The following PAH variants were observed in gnomAD, a reference collection of about 807,000 sequenced individuals.
PAH encodes phenylalanine-4-hydroxylase.
Under a neutral mutation model 62.0 loss-of-function variants are expected in PAH, and 64 were observed. The observed-to-expected ratio is 1.03, with a 90% CI of 0.84 to 1.27. PAH has a LOEUF of 1.27. Ranked by LOEUF, PAH falls within the 50% of genes most tolerant of loss-of-function variation. PAH has a pLI of 0.00. For synonymous variants in PAH, 195 were observed against 196.2 expected (o/e 0.99, Z 0.05); for missense variants, 579 against 542.8 (o/e 1.07, Z -0.66).
chr12:102,952,232 C>CA (rs1224866727), upstream of PAH, among the ~76,000 whole-genome samples: 7 of 151,772 alleles, frequency 4.6e-5, no homozygotes, highest in African/African-American at 1.7e-4. Context: ...TCTTGCTGAG[C>CA]AAAAAATGGA....
chr12:102,944,719 T>C (rs1879426703), intron 1 of PAH, among the ~76,000 whole-genome samples: 1 of 152,216 alleles, frequency 6.6e-6, no homozygotes, highest in Non-Finnish European at 1.5e-5. Flanking sequence ...GTCTGAAAGG[T>C]CACATATCTC....
intron 8 of PAH, 119 bp downstream of exon 8, chr12:102,851,568 A>G: frequency 1.2e-6 from 1 of 806,854 alleles, no homozygotes; most frequent in South Asian, 1.4e-5. Context: ...GTGGGATCAT[A>G]GAACTGTACC....
intron 3 of PAH, among the ~76,000 whole-genome samples, chr12:102,889,561 T>TAGAC (rs1877193529): frequency 6.6e-6 from 1 of 151,448 alleles, no homozygotes; most frequent in Admixed American, 6.6e-5. Context: ...GATAGATAGA[T>TAGAC]AGATAGATAG....
chr12:102,927,859 T>G (rs181971605), intron 1 of PAH, among the ~76,000 whole-genome samples: 2 of 152,278 alleles, frequency 1.3e-5, no homozygotes, highest in East Asian at 3.9e-4. Flanking sequence ...TTTGTTTAGA[T>G]TGTGGAATCA....
intron 1 of PAH, among the ~76,000 whole-genome samples, chr12:102,938,091 C>T (rs1400156509): frequency 6.6e-6 from 1 of 152,138 alleles, no homozygotes; most frequent in Non-Finnish European, 1.5e-5. Context: ...CAAGATTGTC[C>T]AGGAAGCCAT....
chr12:102,897,492 T>TATATATATATATATATATATATATATAA (rs1379613102), intron 2 of PAH, among the ~76,000 whole-genome samples: 3 of 137,468 alleles, frequency 2.2e-5, no homozygotes, highest in Admixed American at 7.0e-5. Flanking sequence ...TATATATATA[T>TATATATATATATATATATATATATATAA]AATTCAAACT....
At chr12:102,939,551 G>A (rs1879220051) in intron 1 of PAH, among the ~76,000 whole-genome samples, 1 of 152,030 alleles carries the variant, frequency 6.6e-6, no homozygotes, top group Admixed American at 6.5e-5. Context: ...CTCTTGGGCT[G>A]GGGAGTGAAC....
chr12:102,855,419 A>C (rs1875382281), intron 5 of PAH, 87 bp from the exon 6 acceptor site: 1 of 967,726 alleles, frequency 1.0e-6, no homozygotes, highest in Non-Finnish European at 1.6e-6. Flanking sequence ...GTCGGGGACC[A>C]GAACCTGTGA....
At chr12:102,900,206 C>T (rs1169059103) in intron 2 of PAH, among the ~76,000 whole-genome samples, 2 of 151,728 alleles carry the variant, frequency 1.3e-5, no homozygotes, top group Non-Finnish European at 2.9e-5. Flanking sequence ...CCTGTCACCA[C>T]GCCTGGCTAA....
Position 102,947,482 on chromosome 12 carries a change from T to A in PAH, c.-96+3107A>T, listed in dbSNP as rs116379124. Reference sequence around the variant, plus strand: ...CAGTCCAGAACCAAGAATTTGAGAGTCATCAGCAGAAGAGGTGGAAGCTAA... The same window carrying A: ...CAGTCCAGAACCAAGAATTTGAGAGACATCAGCAGAAGAGGTGGAAGCTAA... On this transcript the variant is annotated intron_variant, in intron 1 of 3. Coordinates refer to the PAH transcript ENST00000546844. Among the ~76,000 whole-genome samples, 384 of 152,030 alleles carry A rather than the reference T, an allele frequency of 2.5e-3. 2 individuals carry two copies. Among genetic ancestry groups the A allele is most frequent in the African/African-American group, 8.6e-3 (355 of 41,452 alleles).
At chr12:102,952,554 C>A (rs1879797739), upstream of PAH, among the ~76,000 whole-genome samples, 1 of 152,104 alleles carries the variant, frequency 6.6e-6, no homozygotes, top group Non-Finnish European at 1.5e-5. Context: ...TAACGACTTT[C>A]TTTATGCTCA....
exon 1 of PAH, chr12:102,958,358 G>A (rs1212994806): frequency 5.6e-6 from 8 of 1,424,636 alleles, no homozygotes; most frequent in Non-Finnish European, 7.3e-6. Flanking sequence ...CCGCAGCCGC[G>A]GCGGCCGCAG....
At chr12:102,903,989 C>T (rs192102893) in intron 2 of PAH, among the ~76,000 whole-genome samples, 1 of 152,158 alleles carries the variant, frequency 6.6e-6, no homozygotes, top group East Asian at 1.9e-4. Context: ...CTAGTAGAGG[C>T]TAAAAATATA....
At chr12:102,881,343 T>C (rs1876806000) in intron 3 of PAH, among the ~76,000 whole-genome samples, 1 of 151,248 alleles carries the variant, frequency 6.6e-6, no homozygotes, top group Admixed American at 6.6e-5. Flanking sequence ...CACATATATA[T>C]TTATATTATA....
At chr12:102,859,400 G>A (rs1347739318) in intron 5 of PAH, among the ~76,000 whole-genome samples, 1 of 152,194 alleles carries the variant, frequency 6.6e-6, no homozygotes, top group East Asian at 1.9e-4. Context: ...GAGGTACAAG[G>A]AGGAGCTGGT....
upstream of PAH, chr12:102,917,467 G>A (rs1878434235): frequency 2.6e-6 from 1 of 385,868 alleles, no homozygotes. Flanking sequence ...GGCCACCCAA[G>A]CCCCGTCGAT....
chr12:102,924,114 A>G (rs73393522), intron 1 of PAH, among the ~76,000 whole-genome samples: 4,817 of 152,240 alleles, frequency 0.032, 265 homozygotes, highest in African/African-American at 0.11. Flanking sequence ...TCCCCTTCCA[A>G]TGGAAGCAAA....
rs1032502401 is a variant in PAH at position 102,851,675 on chromosome 12, T to G, written c.912+12A>C. 1.2e-6 allele frequency: 2 copies of G among 1,612,456 alleles called. No individual in the cohort carries two copies. Among genetic ancestry groups the G allele is most frequent in the African/African-American group, 1.3e-5 (1 of 74,820 alleles). Reference sequence around the variant, plus strand: ...GACCTATAACTAGAAGGCTAAAAAATCCATTCCTTACCTGGGAAAACTGGG... The same window carrying G: ...GACCTATAACTAGAAGGCTAAAAAAGCCATTCCTTACCTGGGAAAACTGGG... On this transcript the variant is annotated intron_variant, in intron 8 of 12. Transcript: ENST00000553106.
At chr12:102,860,340 C>T (rs1291081959) in intron 5 of PAH, among the ~76,000 whole-genome samples, 1 of 152,200 alleles carries the variant, frequency 6.6e-6, no homozygotes. Context: ...AAAGAGAACA[C>T]AGACAAATGG....
Sources: gnomAD v4.1 joint callset for allele counts (sites outside exome capture counted in the v4.1 genomes callset) on GRCh38, gnomAD v4.1.1 for gene constraint, MANE v1.5 for transcripts, NCBI Gene and HGNC (gene_info 2026-07-23, HGNC 2026-07-21) for gene names.